Variants in FCRL6 observed in about 807,000 individuals in gnomAD.
The protein encoded by FCRL6 is Fc receptor like 6.
A neutral mutation model predicts 49.1 loss-of-function variants in FCRL6; 50 were observed. That is an observed-to-expected ratio of 1.02 (90% CI 0.81 to 1.29). FCRL6 has a LOEUF of 1.29. Ranked by LOEUF, FCRL6 falls within the 50% of genes most tolerant of loss-of-function variation. The pLI is 0.00. For synonymous variants in FCRL6, 213 were observed against 199.6 expected (o/e 1.07, Z -0.57); for missense variants, 571 against 518.5 (o/e 1.10, Z -0.98).
At chr1:159,814,102 AT>A (rs1169707283) in intron 7 of FCRL6, 118 bp from the exon 8 acceptor site, 2 of 894,856 alleles carry the variant, frequency 2.2e-6, no homozygotes, top group Admixed American at 4.3e-5. Context: ...ACCAACCCTC[AT>A]TGCCACTTAT....
intron 8 of FCRL6, 84 bp downstream of exon 8, chr1:159,814,376 C>A (rs1024551067): frequency 1.9e-5 from 18 of 936,844 alleles, no homozygotes; most frequent in Non-Finnish European, 2.6e-5. Context: ...ACTGTCATTA[C>A]CACTTTTATC....
chr1:159,811,928 G>T (rs1244907943), intron 6 of FCRL6, among the ~76,000 whole-genome samples: 4 of 152,224 alleles, frequency 2.6e-5, no homozygotes, highest in Non-Finnish European at 5.9e-5. Context: ...AGCATTAAAT[G>T]CAGAGCAATG....
rs540828780 is a variant in FCRL6 at position 159,809,391 on chromosome 1, G to A, written c.605-11G>A. On this transcript the variant is annotated splice_polypyrimidine_tract_variant and intron_variant, in intron 4 of 9. Coordinates refer to ENST00000368106, the MANE Select transcript of FCRL6 (RefSeq NM_001004310.3). ...GGTCAGGCTGAGCCTCCCACCCCAT[G>A]TGTGTCCCAGCTCCTGTATCCCGTC... 7 of 1,580,030 alleles carry A rather than the reference G, an allele frequency of 4.4e-6. No individual in the cohort carries two copies. The highest frequency in any genetic ancestry group is 2.7e-5 in the African/African-American group (2 of 74,400).
At chr1:159,801,892 G>A (rs1662356343), upstream of FCRL6, among the ~76,000 whole-genome samples, 3 of 152,048 alleles carry the variant, frequency 2.0e-5, no homozygotes, top group South Asian at 6.2e-4. Context: ...AGGATCCTGT[G>A]AAGCATCCTC....
At chr1:159,811,388 T>C (rs1040269378) in intron 6 of FCRL6, among the ~76,000 whole-genome samples, 12 of 152,228 alleles carry the variant, frequency 7.9e-5, no homozygotes, top group African/African-American at 2.9e-4. Context: ...ATTGTTCTCA[T>C]AGACCTCCAA....
chr1:159,802,602 G>A, intron 1 of FCRL6, 147 bp downstream of exon 1: 2 of 712,180 alleles, frequency 2.8e-6, no homozygotes. Flanking sequence ...GGGCATGCTT[G>A]GGAGAGATGG....
chr1:159,800,570 A>C, upstream of FCRL6: 1 of 1,549,254 alleles, frequency 6.5e-7, no homozygotes, highest in Non-Finnish European at 8.7e-7. Flanking sequence ...GATCTGTTGG[A>C]AAGAGAACGA....
At chr1:159,802,667 T>C (rs959533541) in intron 1 of FCRL6, among the ~76,000 whole-genome samples, 3 of 152,196 alleles carry the variant, frequency 2.0e-5, no homozygotes, top group South Asian at 2.1e-4. Context: ...CCTGGGTCCT[T>C]GGCAGCGCAG....
At chr1:159,813,620 A>G (rs1046855029) in intron 7 of FCRL6, 66 bp downstream of exon 7, 3 of 1,379,340 alleles carry the variant, frequency 2.2e-6, no homozygotes, top group Non-Finnish European at 3.1e-6. Flanking sequence ...AAGGGAAGTA[A>G]GAAGGGAGCT....
In FCRL6 at chr1:159,814,225, T is replaced by A. The variant is rs1458797381; in HGVS notation, c.1080T>A (p.His360Gln). Reference sequence around the variant, plus strand: ...AAGCCTCATTCCTTCTTCCAGTGCATCACCAGAAAGGGAAAGATGAAGGTG... The same window carrying A: ...AAGCCTCATTCCTTCTTCCAGTGCAACACCAGAAAGGGAAAGATGAAGGTG... ...GEQCPLYANVHHQKGKDEGVV... is the reference protein window; with the variant it reads ...GEQCPLYANVQHQKGKDEGVV... The change falls in exon 8 of 10, where the codon CAT becomes CAA. Residue 360 changes from histidine (H) to glutamine (Q), a missense_variant. Transcript: ENST00000368106. 6 of 1,613,772 alleles carry A rather than the reference T, an allele frequency of 3.7e-6. No individual in the cohort carries two copies. Among genetic ancestry groups the A allele is most frequent in the South Asian group, 1.1e-5 (1 of 91,082 alleles).
Position 159,814,296 on chromosome 1 carries a change from A to C in FCRL6, c.1147+4A>C, listed in dbSNP as rs1440051284. On this transcript the variant is annotated splice_donor_region_variant and intron_variant, in intron 8 of 9. Coordinates refer to ENST00000368106, the MANE Select transcript of FCRL6 (RefSeq NM_001004310.3). ...AGAACCTCAAAGAGGAGTGAAGGTG[A>C]GTGATCTCAGGCCAAACTTGGTACC... is the stretch of plus-strand genomic sequence containing the variant. 4.3e-6 allele frequency: 7 copies of C among 1,613,472 alleles called. No individual in the cohort carries two copies. The highest frequency in any genetic ancestry group is 5.9e-6 in the Non-Finnish European group (7 of 1,179,472).
At chr1:159,814,656 A>G (rs1309907129) in intron 8 of FCRL6, among the ~76,000 whole-genome samples, 1 of 152,210 alleles carries the variant, frequency 6.6e-6, no homozygotes, top group African/African-American at 2.4e-5. Flanking sequence ...AGGACAAAGA[A>G]AAGAGAGAAA....
chr1:159,800,725 C>A, upstream of FCRL6: 2 of 898,842 alleles, frequency 2.2e-6, no homozygotes, highest in Non-Finnish European at 3.6e-6. Flanking sequence ...TAGTTTCCCA[C>A]TTCCACTGAG....
At chr1:159,809,281 C>G (rs745636515) in intron 4 of FCRL6, 36 bp downstream of exon 4, 1 of 1,526,404 alleles carries the variant, frequency 6.6e-7, no homozygotes, top group Non-Finnish European at 8.8e-7. Context: ...CCCCCAGGGC[C>G]CTGGGCGTCA....
chr1:159,807,938 G>T (rs1385511683), intron 2 of FCRL6, among the ~76,000 whole-genome samples: 1 of 151,246 alleles, frequency 6.6e-6, no homozygotes, highest in Non-Finnish European at 1.5e-5. Flanking sequence ...GGAGGGGAAG[G>T]GAAAGGAATA....
At position 159,813,544 on chromosome 1, in the gene FCRL6, A is replaced by C. The variant is rs769133236; in HGVS notation, c.1065A>C (p.Leu355=). The change falls in exon 7 of 10, where the codon CTA becomes CTC. Residue 355 remains leucine, a synonymous_variant. Coordinates refer to ENST00000368106, the MANE Select transcript of FCRL6 (RefSeq NM_001004310.3). ...CTCCAGGTGGAGAGCAGTGCCCACT[A>C]TATGCCAACGGTAAGGACTTCCAGC... The part of the protein sequence containing the change: ...PTAPGGEQCP[L]YANVHHQKGK... The C allele has an allele frequency of 1.2e-6, 2 of 1,614,002 alleles. No individual in the cohort carries two copies. Among genetic ancestry groups the C allele is most frequent in the South Asian group, 2.2e-5 (2 of 91,080 alleles).
In FCRL6 at chr1:159,815,857, G is replaced by A; in HGVS notation, c.*196G>A. ...TAGCAGAAGACCAACCAATGGAATG[G>A]GAAGGGAGATGCTCCCACCAACACA... On this transcript the variant is annotated 3_prime_UTR_variant, in exon 10 of 10. Coordinates refer to ENST00000368106, the MANE Select transcript of FCRL6 (RefSeq NM_001004310.3). 2 of 586,508 alleles carry A rather than the reference G, an allele frequency of 3.4e-6. No individual in the cohort carries two copies. Among genetic ancestry groups the A allele is most frequent in the Non-Finnish European group, 6.0e-6 (2 of 335,196 alleles). The allele number at this position is 586,508 out of a possible 1,614,324, so 36.3% of individuals were successfully genotyped here. A position where few individuals can be genotyped will look rare whatever the true frequency, so the allele number is the denominator to read the frequency against.
intron 1 of FCRL6, among the ~76,000 whole-genome samples, chr1:159,804,219 G>T (rs2101731560): frequency 6.6e-6 from 1 of 152,316 alleles, no homozygotes; most frequent in South Asian, 2.1e-4. Flanking sequence ...CACAGTGCTA[G>T]AGCTCAGTGG....
chr1:159,807,153 C>T (rs1415755157), intron 2 of FCRL6, among the ~76,000 whole-genome samples: 1 of 152,200 alleles, frequency 6.6e-6, no homozygotes, highest in Non-Finnish European at 1.5e-5. Context: ...ATAATTCAAA[C>T]CAATACTTAG....
Sources: allele counts gnomAD v4.1 joint callset (sites outside exome capture counted in the v4.1 genomes callset), GRCh38; gene constraint gnomAD v4.1.1; transcripts MANE v1.5; gene names NCBI Gene and HGNC (gene_info 2026-07-23, HGNC 2026-07-21).